The following NEIL3 variants were observed in gnomAD, a reference collection of about 807,000 sequenced individuals.
NEIL3 encodes the protein endonuclease 8-like 3.
Under a neutral mutation model 57.5 loss-of-function variants are expected in NEIL3, and 48 were observed. That is an observed-to-expected ratio of 0.83 (90% CI 0.66 to 1.06). NEIL3 has a LOEUF of 1.06. Among genes scored for constraint, NEIL3 ranks in the 50% least tolerant of loss-of-function variants. The pLI, the probability that NEIL3 is intolerant of heterozygous loss-of-function variation, is 0.00. For synonymous variants in NEIL3, 261 were observed against 253.2 expected, an observed-to-expected ratio of 1.03 and a Z score of -0.29; for missense variants, 717 against 739.1, an observed-to-expected ratio of 0.97 and a Z score of 0.35.
chr4:177,331,804 G>A (rs992281094), intron 2 of NEIL3, among the ~76,000 whole-genome samples: 1 of 152,176 alleles, frequency 6.6e-6, no homozygotes, highest in Non-Finnish European at 1.5e-5. Context: ...GTCTAGTAAA[G>A]TAGTTGACCT....
chr4:177,359,193 C>T (rs1377928020), intron 8 of NEIL3, among the ~76,000 whole-genome samples: 1 of 152,158 alleles, frequency 6.6e-6, no homozygotes, highest in Non-Finnish European at 1.5e-5. Context: ...CACCCCTCTA[C>T]CCTGGAAAAG....
downstream of NEIL3, among the ~76,000 whole-genome samples, chr4:177,365,199 A>G (rs936472416): frequency 6.6e-6 from 1 of 152,126 alleles, no homozygotes; most frequent in Non-Finnish European, 1.5e-5. Flanking sequence ...GGTTCCTACC[A>G]CATCCAAGGA....
At chr4:177,358,625 T>C (rs1735539239) in intron 8 of NEIL3, among the ~76,000 whole-genome samples, 2 of 152,136 alleles carry the variant, frequency 1.3e-5, no homozygotes, top group South Asian at 4.1e-4. Context: ...TGTTTTTAAT[T>C]TAATTTTTAA....
intron 1 of NEIL3, among the ~76,000 whole-genome samples, chr4:177,316,496 T>A (rs528592962): frequency 6.6e-6 from 1 of 152,162 alleles, no homozygotes; most frequent in Admixed American, 6.5e-5. Flanking sequence ...AATTAGAAAA[T>A]AAGATATTGG....
At chr4:177,363,116 T>A (rs1336539591), downstream of NEIL3, among the ~76,000 whole-genome samples, 3 of 151,928 alleles carry the variant, frequency 2.0e-5, no homozygotes, top group Non-Finnish European at 2.9e-5. Flanking sequence ...AAAAGAGAGG[T>A]TGATTTATAT....
At position 177,339,858 on chromosome 4, in the gene NEIL3, G is replaced by A; in HGVS notation, c.702+1G>A. The A allele has an allele frequency of 1.2e-6, 2 of 1,606,360 alleles. No homozygotes were observed. The highest frequency in any genetic ancestry group is 2.2e-5 in the South Asian group (2 of 90,836). ...TGATTTCAGCATTCTCTTTTACAGG[G>A]TAAGAGCAAAATTTTTCAACTGTGT... On this transcript the variant is annotated splice_donor_variant, in intron 5 of 9. Coordinates refer to ENST00000264596, the MANE Select transcript of NEIL3 (RefSeq NM_018248.3). LOFTEE classifies it high-confidence loss of function.
Position 177,310,112 on chromosome 4 carries a change from G to A in NEIL3, c.156+3G>A. 2.6e-6 allele frequency: 4 copies of A among 1,567,598 alleles called. No homozygotes were observed. Among genetic ancestry groups the A allele is most frequent in the Non-Finnish European group, 3.4e-6 (4 of 1,161,684 alleles). Reference sequence around the variant, plus strand: ...CCACGGTTGTGGTCTCCCCGCAGGTGAGCTACTCCTGTAACAGGCCATGCA... The same window carrying A: ...CCACGGTTGTGGTCTCCCCGCAGGTAAGCTACTCCTGTAACAGGCCATGCA... On this transcript the variant is annotated splice_donor_region_variant and intron_variant, in intron 1 of 9. Transcript: ENST00000264596.
chr4:177,358,485 T>G (rs1735530909), intron 8 of NEIL3, among the ~76,000 whole-genome samples: 1 of 152,118 alleles, frequency 6.6e-6, no homozygotes, highest in African/African-American at 2.4e-5. Context: ...TTTTCTATTT[T>G]TAGTCGAGAC....
chr4:177,342,308 A>G (rs563028208), intron 6 of NEIL3, among the ~76,000 whole-genome samples: 2 of 152,344 alleles, frequency 1.3e-5, no homozygotes, highest in East Asian at 3.9e-4. Context: ...CCCAATGTAC[A>G]GTTACCTTGG....
At chr4:177,319,087 G>GT (rs986803965) in intron 1 of NEIL3, among the ~76,000 whole-genome samples, 7 of 152,180 alleles carry the variant, frequency 4.6e-5, no homozygotes, top group Non-Finnish European at 1.0e-4. Flanking sequence ...ACTAAATGGT[G>GT]TAAGTTCTTG....
At chr4:177,338,831 C>G (rs1399432685) in intron 4 of NEIL3, among the ~76,000 whole-genome samples, 1 of 151,846 alleles carries the variant, frequency 6.6e-6, no homozygotes, top group Non-Finnish European at 1.5e-5. Context: ...CCCTTCCCTT[C>G]TTTCTGTTTT....
At chr4:177,346,155 C>T (rs1361120889) in intron 6 of NEIL3, among the ~76,000 whole-genome samples, 1 of 152,022 alleles carries the variant, frequency 6.6e-6, no homozygotes, top group East Asian at 1.9e-4. Flanking sequence ...TCAAGCCTCA[C>T]CCTCTCTAAT....
chr4:177,340,265 G>T (rs922395579), intron 5 of NEIL3, among the ~76,000 whole-genome samples: 2 of 152,064 alleles, frequency 1.3e-5, no homozygotes, highest in Admixed American at 6.5e-5. Context: ...CTATCTGTGT[G>T]GTTTAGATTC....
intron 1 of NEIL3, among the ~76,000 whole-genome samples, chr4:177,321,175 C>T (rs1303455190): frequency 3.9e-5 from 6 of 152,094 alleles, no homozygotes; most frequent in Non-Finnish European, 7.4e-5. Flanking sequence ...TGTTTCTAGA[C>T]TCTGTATCTA....
chr4:177,362,464 G>T lies in NEIL3; in HGVS notation c.1811G>T (p.Gly604Val). The change falls in exon 10 of 10, where the codon GGA becomes GTA. Residue 604 changes from glycine (G) to valine (V), a missense_variant. Transcript: ENST00000264596. ...ENGPGIKIIP[G>V]C Reference sequence around the variant, plus strand: ...GGGCCAGGAATAAAAATTATTCCTGGATGCTAATATCTGTAGATTCTCTGG... The same window carrying T: ...GGGCCAGGAATAAAAATTATTCCTGTATGCTAATATCTGTAGATTCTCTGG... The T allele has an allele frequency of 6.2e-7, 1 of 1,610,224 alleles. No homozygotes were observed. The highest frequency in any genetic ancestry group is 8.5e-7 in the Non-Finnish European group (1 of 1,177,692).
At position 177,344,115 on chromosome 4, in the gene NEIL3, G is replaced by A. The variant is rs186136380; in HGVS notation, c.869+2473G>A. On this transcript the variant is annotated intron_variant, in intron 6 of 9. Coordinates refer to ENST00000264596, the MANE Select transcript of NEIL3 (RefSeq NM_018248.3). ...TCCCCAAAAGAGACCTATGAGTTAG[G>A]GAAGGCTGTGCTGAAAATGTTCTGG... Among the ~76,000 whole-genome samples, 109 of 152,198 alleles carry A rather than the reference G, an allele frequency of 7.2e-4. 2 individuals carry two copies. The East Asian group carries it at 0.02, about 28-fold the overall frequency.
intron 5 of NEIL3, among the ~76,000 whole-genome samples, 188 bp downstream of exon 5, chr4:177,340,045 T>A (rs1024406901): frequency 3.9e-5 from 6 of 152,212 alleles, no homozygotes; most frequent in Non-Finnish European, 8.8e-5. Context: ...CAGTTCAAAC[T>A]CGTCTAACTA....
rs1339503393 is a variant in NEIL3, at chr4:177,309,883, G to C, written c.-71G>C. ...TCCTCTGCGTGCGGTCAGTGCCCGC[G>C]CAGCGTTGAGTTGCACAGCGGTATT... On this transcript the variant is annotated 5_prime_UTR_variant, in exon 1 of 10. Coordinates refer to ENST00000264596, the MANE Select transcript of NEIL3 (RefSeq NM_018248.3). 2.0e-6 allele frequency: 3 copies of C among 1,532,728 alleles called. No homozygotes were observed. Among genetic ancestry groups the C allele is most frequent in the Non-Finnish European group, 2.6e-6 (3 of 1,141,374 alleles). The allele number at this position is 1,532,728 out of a possible 1,614,324, so 94.9% of individuals were successfully genotyped here.
intron 8 of NEIL3, among the ~76,000 whole-genome samples, chr4:177,359,237 A>G (rs1735555172): frequency 6.6e-6 from 1 of 152,218 alleles, no homozygotes; most frequent in South Asian, 2.1e-4. Context: ...GAAGTATTTA[A>G]TGGTGACGAT....
Sources: allele counts gnomAD v4.1 joint callset (sites outside exome capture counted in the v4.1 genomes callset), GRCh38; gene constraint gnomAD v4.1.1; transcripts MANE v1.5; gene names NCBI Gene and HGNC (gene_info 2026-07-23, HGNC 2026-07-21).